Variants in TMEM163 observed in about 807,000 individuals in gnomAD.
TMEM163 encodes transmembrane protein 163.
In TMEM163, 17 loss-of-function variants were observed where a neutral mutation model predicts 29.3. The ratio of observed to expected loss-of-function variants is 0.58; its 90% CI spans 0.40 to 0.87. TMEM163 has a LOEUF of 0.87. Among genes scored for constraint, TMEM163 ranks in the 40% least tolerant of loss-of-function variants. The pLI is 0.00. For missense variants in TMEM163, 303 were observed against 381.5 expected (o/e 0.79, Z 1.71); for synonymous variants, 157 against 160.6 (o/e 0.98, Z 0.17).
intron 4 of TMEM163, among the ~76,000 whole-genome samples, chr2:134,522,524 T>C (rs1217258176): frequency 6.6e-6 from 1 of 152,166 alleles, no homozygotes; most frequent in Non-Finnish European, 1.5e-5. Flanking sequence ...GATAATTTGC[T>C]CCCAAAAGTC....
At chr2:134,485,835 TGA>T (rs1402998617) in intron 5 of TMEM163, among the ~76,000 whole-genome samples, 2 of 152,070 alleles carry the variant, frequency 1.3e-5, no homozygotes, top group Admixed American at 6.6e-5. Context: ...CAAGTTTGCT[TGA>T]GAGAGAAAGC....
chr2:134,659,544 T>C (rs2104857346), intron 2 of TMEM163, among the ~76,000 whole-genome samples: 1 of 152,332 alleles, frequency 6.6e-6, no homozygotes, highest in Admixed American at 6.5e-5. Context: ...CATCTCCTGC[T>C]GGCACGTTAG....
Position 134,456,655 on chromosome 2 carries a change from G to T in TMEM163, c.*61C>A. Reference sequence around the variant, plus strand: ...AAACCAGATGTTCAGTTAAATATTGGCACCCTTTGCCTATGTGGAAACTCC... The same window carrying T: ...AAACCAGATGTTCAGTTAAATATTGTCACCCTTTGCCTATGTGGAAACTCC... On this transcript the variant is annotated 3_prime_UTR_variant, in exon 8 of 8. Transcript: ENST00000281924. The T allele has an allele frequency of 6.4e-7, 1 of 1,572,942 alleles. No homozygotes were observed. The highest frequency in any genetic ancestry group is 8.7e-7 in the Non-Finnish European group (1 of 1,146,430).
chr2:134,554,065 CTTT>C (rs1680993027), intron 2 of TMEM163, among the ~76,000 whole-genome samples: 1 of 152,110 alleles, frequency 6.6e-6, no homozygotes. Flanking sequence ...TGGGTTTCTT[CTTT>C]ATCAGCAGTG....
chr2:134,573,176 G>A (rs896259396), intron 2 of TMEM163, among the ~76,000 whole-genome samples: 5 of 152,108 alleles, frequency 3.3e-5, no homozygotes, highest in African/African-American at 1.2e-4. Context: ...CTGCACAAAG[G>A]AGCCAGAAAG....
At chr2:134,688,820 A>G (rs10171677) in intron 2 of TMEM163, among the ~76,000 whole-genome samples, 46,760 of 152,000 alleles carry the variant, frequency 0.31, 10,132 homozygotes, top group Non-Finnish European at 0.48. Flanking sequence ...GCTACCACAC[A>G]CGCACACTCT....
chr2:134,499,221 G>C (rs1399931475), intron 5 of TMEM163, among the ~76,000 whole-genome samples: 1 of 152,204 alleles, frequency 6.6e-6, no homozygotes, highest in Non-Finnish European at 1.5e-5. Context: ...GGGAGGCAGA[G>C]GGTCAGTAGT....
At chr2:134,568,072 A>C (rs1471028124) in intron 2 of TMEM163, among the ~76,000 whole-genome samples, 1 of 152,232 alleles carries the variant, frequency 6.6e-6, no homozygotes, top group Non-Finnish European at 1.5e-5. Context: ...TTTATAATAG[A>C]ATAAGGTAAT....
chr2:134,623,621 G>T, intron 2 of TMEM163, among the ~76,000 whole-genome samples: 1 of 152,062 alleles, frequency 6.6e-6, no homozygotes, highest in East Asian at 1.9e-4. Context: ...CATGAAATTA[G>T]CCTGGCATGA....
chr2:134,552,076 C>T lies in TMEM163; in HGVS notation c.338G>A (p.Arg113Lys). ...AAACCCAAAAGCAGAGGCGCTGTAC[C>T]TCATAACGGAGACAGCTAAAAAGAA... ...AVAAFTVSVMRYSASAFGFAF... is the reference protein window; with the variant it reads ...AVAAFTVSVMKYSASAFGFAF... The change falls in exon 3 of 8, where the codon AGG becomes AAG. Residue 113 changes from arginine (R) to lysine (K), a missense_variant. Physicochemically the swap from Arg to Lys is conservative, Grantham distance 26 (BLOSUM62 2). Transcript: ENST00000281924. 6.2e-7 allele frequency: 1 copy of T among 1,612,584 alleles called. No individual in the cohort carries two copies. The highest frequency in any genetic ancestry group is 1.1e-5 in the South Asian group (1 of 90,526).
At chr2:134,618,440 A>G (rs1373417244) in intron 2 of TMEM163, among the ~76,000 whole-genome samples, 1 of 152,234 alleles carries the variant, frequency 6.6e-6, no homozygotes, top group African/African-American at 2.4e-5. Flanking sequence ...AGAAAAATAG[A>G]TAATTCAACA....
chr2:134,621,186 C>T (rs1182472818), intron 2 of TMEM163, among the ~76,000 whole-genome samples: 1 of 152,018 alleles, frequency 6.6e-6, no homozygotes, highest in East Asian at 1.9e-4. Context: ...ATATATTTCA[C>T]CAAAGAAGAA....
chr2:134,507,103 G>T (rs909315659), intron 4 of TMEM163, among the ~76,000 whole-genome samples: 10 of 152,120 alleles, frequency 6.6e-5, no homozygotes, highest in Non-Finnish European at 1.0e-4. Flanking sequence ...TTGGGAGGCC[G>T]AGGTGGGTGG....
chr2:134,581,930 T>A (rs1681702288), intron 2 of TMEM163, among the ~76,000 whole-genome samples: 1 of 152,202 alleles, frequency 6.6e-6, no homozygotes, highest in African/African-American at 2.4e-5. Flanking sequence ...TATTGAAGAC[T>A]TTGTCCTTCC....
At chr2:134,463,971 A>G (rs963897941) in intron 6 of TMEM163, among the ~76,000 whole-genome samples, 16 of 152,216 alleles carry the variant, frequency 1.1e-4, no homozygotes, top group Non-Finnish European at 2.2e-4. Flanking sequence ...CCTGTTGCAC[A>G]TGAGGGGCCT....
chr2:134,462,824 A>AG (rs1192282635), intron 6 of TMEM163, among the ~76,000 whole-genome samples: 4 of 152,174 alleles, frequency 2.6e-5, no homozygotes, highest in African/African-American at 9.7e-5. Context: ...TGTTCCAAGG[A>AG]GGGGGGTCAA....
intron 2 of TMEM163, among the ~76,000 whole-genome samples, chr2:134,648,366 G>A (rs939153813): frequency 8.0e-5 from 6 of 75,116 alleles, no homozygotes; most frequent in Non-Finnish European, 1.9e-4. Context: ...GGAACCTGGG[G>A]TTTCTATGGG....
Position 134,718,926 on chromosome 2 carries a change from C to A in TMEM163, c.10G>T (p.Ala4Ser). The change falls in exon 1 of 8, where the codon GCC becomes TCC. Residue 4 changes from alanine (A) to serine (S), a missense_variant. Around this residue, in one of 2 missense-constraint regions of TMEM163, gnomAD observed 100 missense variants for 87.2 expected, o/e 1.15. Transcript: ENST00000281924. ...GAGCTGCGGCGCTGGATGCCCGCGG[C>A]CGGCTCCATGGCGCGGGGCTGCGGA... MEP[A>S]AGIQRRSSQG... The A allele has an allele frequency of 9.5e-7, 1 of 1,055,364 alleles. No individual in the cohort carries two copies. The highest frequency in any genetic ancestry group is 1.1e-6 in the Non-Finnish European group (1 of 877,078). 65.4% of individuals were successfully genotyped at this position (1,055,364 alleles called of 1,614,324 possible).
intron 2 of TMEM163, among the ~76,000 whole-genome samples, chr2:134,636,984 T>C (rs1178425338): frequency 1.3e-5 from 2 of 152,224 alleles, no homozygotes; most frequent in South Asian, 2.1e-4. Flanking sequence ...CCCACCACAT[T>C]ATCCTTAAAA....
Sources: allele counts gnomAD v4.1 joint callset (sites outside exome capture counted in the v4.1 genomes callset), GRCh38; gene constraint gnomAD v4.1.1; regional missense constraint gnomAD v4.1.1; transcripts MANE v1.5; gene names NCBI Gene and HGNC (gene_info 2026-07-23, HGNC 2026-07-21).